HERC4: variants seen among roughly 807,000 people sequenced by gnomAD.
HERC4 encodes probable E3 ubiquitin-protein ligase HERC4.
Under a neutral mutation model 124.3 loss-of-function variants are expected in HERC4, and 28 were observed. The ratio of observed to expected loss-of-function variants is 0.23; its 90% CI spans 0.17 to 0.31. HERC4 has a LOEUF of 0.31. HERC4 is among the 10% of genes least tolerant of loss of function. HERC4 has a pLI of 1.00. For synonymous variants in HERC4, 407 were observed against 421.5 expected (o/e 0.97, Z 0.42); for missense variants, 713 against 1,229.3 (o/e 0.58, Z 6.28).
chr10:67,932,475 G>C, intron 23 of HERC4, 122 bp downstream of exon 23: 1 of 742,864 alleles, frequency 1.3e-6, no homozygotes, highest in South Asian at 1.9e-5. Context: ...TTGAAGGGTA[G>C]AGTGCTTTCC....
chr10:68,022,792 G>A (rs2038707215), intron 8 of HERC4, among the ~76,000 whole-genome samples: 1 of 151,868 alleles, frequency 6.6e-6, no homozygotes, highest in Non-Finnish European at 1.5e-5. Context: ...TCTGATAAGG[G>A]ATTAGTATCT....
intron 5 of HERC4, among the ~76,000 whole-genome samples, chr10:68,037,553 T>A (rs964980411): frequency 6.6e-6 from 1 of 152,176 alleles, no homozygotes; most frequent in Admixed American, 6.5e-5. Flanking sequence ...TTTCTATGCA[T>A]AGAAAGTTCA....
chr10:67,974,014 T>C (rs1306819856), intron 15 of HERC4, among the ~76,000 whole-genome samples: 1 of 139,292 alleles, frequency 7.2e-6, no homozygotes, highest in Non-Finnish European at 1.5e-5. Flanking sequence ...GCCACTGCAC[T>C]CTAGCCTGGC....
At chr10:67,931,259 C>T (rs989406044) in intron 23 of HERC4, among the ~76,000 whole-genome samples, 4 of 152,162 alleles carry the variant, frequency 2.6e-5, no homozygotes, top group African/African-American at 9.7e-5. Context: ...GCTGGCATTA[C>T]AGGCATGAGC....
At chr10:67,964,514 T>A (rs1031879941) in intron 16 of HERC4, among the ~76,000 whole-genome samples, 2 of 152,144 alleles carry the variant, frequency 1.3e-5, no homozygotes, top group African/African-American at 4.8e-5. Flanking sequence ...GTCAAACCCA[T>A]CATTTCCTCT....
intron 7 of HERC4, 61 bp downstream of exon 7, chr10:68,032,717 A>G (rs1428284203): frequency 3.6e-6 from 3 of 830,544 alleles, no homozygotes; most frequent in Middle Eastern, 3.5e-4. Flanking sequence ...CCATGAGAAC[A>G]TTCATTAATT....
At chr10:68,050,722 T>C (rs2040253114) in intron 3 of HERC4, among the ~76,000 whole-genome samples, 1 of 152,162 alleles carries the variant, frequency 6.6e-6, no homozygotes, top group South Asian at 2.1e-4. Context: ...TCTCAACCAT[T>C]TTTCCCCAGT....
intron 3 of HERC4, among the ~76,000 whole-genome samples, chr10:68,046,564 C>T (rs2040021117): frequency 6.6e-6 from 1 of 152,146 alleles, no homozygotes; most frequent in South Asian, 2.1e-4. Flanking sequence ...CGTCCTAGCC[C>T]TCAATGAGTT....
chr10:68,012,710 T>C (rs934369364), intron 9 of HERC4, among the ~76,000 whole-genome samples: 3 of 152,146 alleles, frequency 2.0e-5, no homozygotes, highest in Non-Finnish European at 4.4e-5. Flanking sequence ...AAATGTGACA[T>C]AAAGACACAA....
In HERC4 at chr10:67,922,309, C is replaced by T. The variant is rs2030296683; in HGVS notation, c.*622G>A. On this transcript the variant is annotated 3_prime_UTR_variant, in exon 25 of 25. Transcript: ENST00000373700. ...AGAACTGCAGGTTATGTAGTATATT[C>T]CCTATCTGTGATTTAGGTTTGCACA... 1 of 152,128 alleles carries T rather than the reference C, an allele frequency of 6.6e-6. No homozygotes were observed. Among genetic ancestry groups the T allele is most frequent in the South Asian group, 2.1e-4 (1 of 4,832 alleles). The allele number at this position is 152,128 out of a possible 1,614,324, so 9.4% of individuals were successfully genotyped here.
At chr10:68,046,940 A>G (rs567182196) in intron 3 of HERC4, among the ~76,000 whole-genome samples, 1 of 152,306 alleles carries the variant, frequency 6.6e-6, no homozygotes, top group East Asian at 1.9e-4. Flanking sequence ...CATGGGCTAT[A>G]GAGGGAGACT....
intron 16 of HERC4, 105 bp from the exon 17 acceptor site, chr10:67,957,081 C>A: frequency 1.7e-6 from 1 of 590,370 alleles, no homozygotes; most frequent in Non-Finnish European, 2.9e-6. Context: ...TTTATTCACT[C>A]ATGTGGTTCT....
intron 15 of HERC4, among the ~76,000 whole-genome samples, chr10:67,968,844 G>A (rs1342026045): frequency 6.6e-6 from 1 of 152,142 alleles, no homozygotes; most frequent in Non-Finnish European, 1.5e-5. Flanking sequence ...TATATTTGGA[G>A]ATTTTTAACA....
chr10:68,040,023 G>T, intron 4 of HERC4: 1 of 702,816 alleles, frequency 1.4e-6, no homozygotes, highest in Non-Finnish European at 1.8e-6. Flanking sequence ...TTCTGTGAAG[G>T]CAGACTATGT....
chr10:67,966,574 G>A (rs1189666032), intron 16 of HERC4, 109 bp downstream of exon 16: 2 of 991,082 alleles, frequency 2.0e-6, no homozygotes, highest in Non-Finnish European at 3.0e-6. Flanking sequence ...AGTAAGTTCT[G>A]GATAAAAGTT....
chr10:67,976,735 G>A (rs1472847777), intron 15 of HERC4, among the ~76,000 whole-genome samples: 1 of 152,156 alleles, frequency 6.6e-6, no homozygotes, highest in Non-Finnish European at 1.5e-5. Flanking sequence ...GCATTTCTGT[G>A]CACCGGGGAG....
intron 24 of HERC4, 60 bp downstream of exon 24, chr10:67,925,025 G>T: frequency 1.1e-6 from 1 of 940,992 alleles, no homozygotes; most frequent in Non-Finnish European, 1.7e-6. Flanking sequence ...CAGGGCTTTG[G>T]AATAATACTA....
chr10:68,029,496 A>G (rs932432112), intron 7 of HERC4, among the ~76,000 whole-genome samples: 6 of 151,948 alleles, frequency 3.9e-5, no homozygotes, highest in African/African-American at 1.4e-4. Context: ...CATCTCAAAA[A>G]AAAAAGAAAA....
rs1564910579 is a variant in HERC4 at position 67,927,403 on chromosome 10, TA to T, written c.2839-2217del. ...CCATATATATATATATATATATATA[TA>T]TATATATATATATATATATATATAT... On this transcript the variant is annotated intron_variant, in intron 23 of 24. Coordinates refer to ENST00000373700, the MANE Select transcript of HERC4 (RefSeq NM_015601.4). 7.2e-3 allele frequency among the ~76,000 whole-genome samples: 150 copies of T among 20,706 alleles called. 9 individuals are homozygous for T. The highest frequency in any genetic ancestry group is 0.03 in the South Asian group (15 of 508). The allele number at this position is 20,706 out of a possible 152,430, so 13.6% of individuals were successfully genotyped here.
Sources: allele counts gnomAD v4.1 joint callset (sites outside exome capture counted in the v4.1 genomes callset), GRCh38; gene constraint gnomAD v4.1.1; transcripts MANE v1.5; gene names NCBI Gene and HGNC (gene_info 2026-07-23, HGNC 2026-07-21).